Variants in MAP7 observed in about 807,000 individuals in gnomAD.
MAP7 encodes the protein microtubule associated protein 7.
A neutral mutation model predicts 94.8 loss-of-function variants in MAP7; 52 were observed. The observed-to-expected ratio is 0.55, with a 90% CI of 0.44 to 0.69. The LOEUF is 0.69. Ranked by LOEUF, MAP7 falls within the 30% of genes least tolerant of loss-of-function variation. The probability of loss-of-function intolerance (pLI) is 0.00; values close to 1 mark genes in which losing one functional copy is unlikely to be tolerated. For synonymous variants in MAP7, 350 were observed against 357.0 expected, an observed-to-expected ratio of 0.98 and a Z score of 0.22; for missense variants, 940 against 964.6, an observed-to-expected ratio of 0.97 and a Z score of 0.34.
At chr6:136,391,913 A>C (rs1780891855) in intron 3 of MAP7, among the ~76,000 whole-genome samples, 1 of 152,256 alleles carries the variant, frequency 6.6e-6, no homozygotes, top group African/African-American at 2.4e-5. Flanking sequence ...TCACTTAAAA[A>C]GGTGGATAAA....
intron 3 of MAP7, among the ~76,000 whole-genome samples, chr6:136,392,339 G>A (rs914525405): frequency 7.4e-5 from 11 of 148,638 alleles, no homozygotes; most frequent in African/African-American, 2.5e-4. Context: ...TTGGCCTCCC[G>A]AAGTTCTGGG....
intron 1 of MAP7, among the ~76,000 whole-genome samples, chr6:136,437,119 T>C (rs1644932239): frequency 1.3e-5 from 2 of 152,342 alleles, no homozygotes; most frequent in South Asian, 2.1e-4. Flanking sequence ...CTTTCTGCCC[T>C]TCTCAGCACT....
chr6:136,515,560 T>C (rs779879551), intron 1 of MAP7, among the ~76,000 whole-genome samples: 5 of 152,202 alleles, frequency 3.3e-5, no homozygotes, highest in African/African-American at 1.2e-4. Context: ...TTAGGGGCCA[T>C]TGTAAGGTTA....
rs986703443 is a variant in MAP7 at position 136,467,019 on chromosome 6, C to T, written c.68-45220G>A. The T allele has an allele frequency of 8.0e-6, 6 of 747,264 alleles. No individual in the cohort carries two copies. The African/African-American group carries it at 1.1e-4, about 13-fold the overall frequency. The allele number at this position is 747,264 out of a possible 1,614,324, so 46.3% of individuals were successfully genotyped here. On this transcript the variant is annotated intron_variant, in intron 1 of 17. Coordinates refer to ENST00000354570, the MANE Select transcript of MAP7 (RefSeq NM_003980.6). ...CCGTGTTCACTGAACCAAGCAAAAA[C>T]TGGGAAATGCTTCTGTTCAAAAAAG...
At chr6:136,473,686 G>A (rs904037780) in intron 1 of MAP7, among the ~76,000 whole-genome samples, 1 of 152,172 alleles carries the variant, frequency 6.6e-6, no homozygotes, top group African/African-American at 2.4e-5. Context: ...TGCCTATAGA[G>A]TTGTACAAAC....
At chr6:136,540,984 T>A (rs1829263522) in intron 1 of MAP7, among the ~76,000 whole-genome samples, 3 of 152,098 alleles carry the variant, frequency 2.0e-5, no homozygotes, top group Non-Finnish European at 2.9e-5. Context: ...GGTCAAGGAG[T>A]GACCCATATT....
At chr6:136,483,881 T>C (rs1335898008) in intron 1 of MAP7, among the ~76,000 whole-genome samples, 1 of 152,132 alleles carries the variant, frequency 6.6e-6, no homozygotes, top group Non-Finnish European at 1.5e-5. Context: ...CAGAAAAAAA[T>C]CAGATTGATT....
chr6:136,345,375 A>AT (rs1181773091), intron 17 of MAP7, among the ~76,000 whole-genome samples: 2 of 152,212 alleles, frequency 1.3e-5, no homozygotes, highest in Non-Finnish European at 2.9e-5. Context: ...ACAATAATTT[A>AT]TTACCCAGGT....
intron 1 of MAP7, among the ~76,000 whole-genome samples, chr6:136,423,646 C>T (rs1295246312): frequency 6.6e-6 from 1 of 151,120 alleles, no homozygotes; most frequent in African/African-American, 2.4e-5. Flanking sequence ...GGTAATTAGT[C>T]CTTCTGATTC....
chr6:136,391,561 C>CAAA (rs1222927599), intron 3 of MAP7, among the ~76,000 whole-genome samples: 2 of 148,244 alleles, frequency 1.3e-5, no homozygotes, highest in Non-Finnish European at 3.0e-5. Flanking sequence ...TAAAAAACAA[C>CAAA]AACAACAACA....
chr6:136,503,671 A>G (rs1485868281), intron 1 of MAP7, among the ~76,000 whole-genome samples: 1 of 152,220 alleles, frequency 6.6e-6, no homozygotes, highest in Non-Finnish European at 1.5e-5. Flanking sequence ...TACATTAACC[A>G]ATGTTTAATT....
chr6:136,355,326 A>T (rs553454036), intron 16 of MAP7, among the ~76,000 whole-genome samples: 17 of 151,290 alleles, frequency 1.1e-4, no homozygotes, highest in African/African-American at 2.7e-4. Flanking sequence ...GAATGAATTT[A>T]AAAAATCTAA....
chr6:136,452,504 ACT>A (rs1198606454), intron 1 of MAP7, among the ~76,000 whole-genome samples: 1 of 152,062 alleles, frequency 6.6e-6, no homozygotes, highest in African/African-American at 2.4e-5. Context: ...AATGTTTATG[ACT>A]CTCTAAAGGC....
At chr6:136,361,262 G>A in intron 11 of MAP7, 83 bp from the exon 12 acceptor site, 1 of 1,470,018 alleles carries the variant, frequency 6.8e-7, no homozygotes, top group Non-Finnish European at 9.3e-7. Context: ...TGGTTCTGTA[G>A]GGCGGTTCCT....
chr6:136,415,010 C>T (rs1788907014), intron 2 of MAP7, among the ~76,000 whole-genome samples: 1 of 152,172 alleles, frequency 6.6e-6, no homozygotes, highest in South Asian at 2.1e-4. Context: ...AGGGTTTCAC[C>T]ATGTTGGTCA....
At chr6:136,419,721 C>T in intron 2 of MAP7, 1 of 190,170 alleles carries the variant, frequency 5.3e-6, no homozygotes. Context: ...AGCATATTTG[C>T]CTGCGCACCA....
intron 3 of MAP7, among the ~76,000 whole-genome samples, chr6:136,396,295 G>A (rs574500887): frequency 6.6e-6 from 1 of 151,978 alleles, no homozygotes; most frequent in Non-Finnish European, 1.5e-5. Flanking sequence ...TTATTCCTAA[G>A]TATTTTATTT....
intron 6 of MAP7, among the ~76,000 whole-genome samples, chr6:136,378,098 T>G (rs1443417824): frequency 6.6e-6 from 1 of 152,180 alleles, no homozygotes; most frequent in Non-Finnish European, 1.5e-5. Context: ...CTAAATTAGT[T>G]TTACAGATGC....
At chr6:136,364,290 G>A in intron 10 of MAP7, 1 of 520,968 alleles carries the variant, frequency 1.9e-6, no homozygotes, top group Non-Finnish European at 3.8e-6. Context: ...AAAAGCCTTG[G>A]CCAATGTTGA....
Sources: gnomAD v4.1 joint callset for allele counts (sites outside exome capture counted in the v4.1 genomes callset) on GRCh38, gnomAD v4.1.1 for gene constraint, MANE v1.5 for transcripts, NCBI Gene and HGNC (gene_info 2026-07-23, HGNC 2026-07-21) for gene names.